ITPR1: variants seen among roughly 807,000 people sequenced by gnomAD.
ITPR1 encodes the protein inositol 1,4,5-trisphosphate receptor type 1.
In ITPR1, 96 loss-of-function variants were observed where a neutral mutation model predicts 318.4. That is an observed-to-expected ratio of 0.30 (90% CI 0.26 to 0.36). ITPR1 has a LOEUF of 0.36. Among genes scored for constraint, ITPR1 ranks in the 10% least tolerant of loss-of-function variants. ITPR1 has a pLI of 1.00. For synonymous variants in ITPR1, 1,312 were observed against 1,289.9 expected (o/e 1.02, Z -0.37); for missense variants, 2,440 against 3,460.2 (o/e 0.71, Z 7.40).
At chr3:4,711,932 CA>C in intron 39 of ITPR1, 64 bp downstream of exon 39, 1 of 711,718 alleles carries the variant, frequency 1.4e-6, no homozygotes, top group Non-Finnish European at 2.2e-6. Flanking sequence ...AGGGACCTTT[CA>C]AAACCCACCT....
chr3:4,504,432 T>A (rs2124885058), intron 2 of ITPR1, among the ~76,000 whole-genome samples: 2 of 152,322 alleles, frequency 1.3e-5, no homozygotes, highest in African/African-American at 4.8e-5. Context: ...TCTGAGTTGG[T>A]GACTTCCTTT....
intron 2 of ITPR1, among the ~76,000 whole-genome samples, chr3:4,506,887 A>G (rs2081431483): frequency 6.6e-6 from 1 of 152,230 alleles, no homozygotes. Flanking sequence ...TCTGGCTCTC[A>G]GGAGCTCTTT....
chr3:4,737,868 G>A (rs529250770), intron 44 of ITPR1, among the ~76,000 whole-genome samples: 1 of 152,320 alleles, frequency 6.6e-6, no homozygotes, highest in South Asian at 2.1e-4. Context: ...GTGGTTACAT[G>A]ACTGTGCACA....
intron 4 of ITPR1, among the ~76,000 whole-genome samples, chr3:4,545,877 T>G (rs917027906): frequency 6.6e-6 from 1 of 151,936 alleles, no homozygotes; most frequent in African/African-American, 2.4e-5. Flanking sequence ...TTTAATTTTT[T>G]GTAGAGACGG....
chr3:4,627,902 G>A (rs766252600), intron 5 of ITPR1, 24 bp downstream of exon 5: 9 of 1,483,574 alleles, frequency 6.1e-6, no homozygotes, highest in East Asian at 2.3e-5. Context: ...TGGGGCTGTC[G>A]ATGGGGCAGT....
intron 52 of ITPR1, among the ~76,000 whole-genome samples, chr3:4,790,935 C>G (rs1037094843): frequency 6.6e-6 from 1 of 152,152 alleles, no homozygotes. Context: ...GATCCTATCC[C>G]CAGTGAAGTG....
At chr3:4,697,559 A>C (rs1574910725) in intron 34 of ITPR1, among the ~76,000 whole-genome samples, 1 of 147,448 alleles carries the variant, frequency 6.8e-6, no homozygotes, top group Non-Finnish European at 1.5e-5. Flanking sequence ...TCAAGCAATT[A>C]TCCTGCCTCA....
chr3:4,755,375 G>T (rs2044884475), intron 44 of ITPR1, among the ~76,000 whole-genome samples: 1 of 150,080 alleles, frequency 6.7e-6, no homozygotes, highest in Non-Finnish European at 1.5e-5. Flanking sequence ...TGTCTCAGAA[G>T]AAAGGTGTTT....
rs115771878 is a variant in ITPR1, at chr3:4,662,006, G to A, written c.1252-76G>A. 2.0e-4 allele frequency: 261 copies of A among 1,305,210 alleles called. 1 individual carries two copies. The African/African-American group carries it at 2.9e-3, about 15-fold the overall frequency. The allele number at this position is 1,305,210 out of a possible 1,614,324, so 80.9% of individuals were successfully genotyped here. On this transcript the variant is annotated intron_variant, in intron 14 of 61. Transcript: ENST00000649015. ...GTATCTTGGGATCAGCCAGTGTCTCGTAAATGTAGTGTTTGATTAAAGTCT... is the reference window on the plus strand; with the variant it reads ...GTATCTTGGGATCAGCCAGTGTCTCATAAATGTAGTGTTTGATTAAAGTCT...
intron 44 of ITPR1, among the ~76,000 whole-genome samples, 156 bp from the exon 45 acceptor site, chr3:4,766,374 C>G (rs1241581358): frequency 6.6e-6 from 1 of 152,214 alleles, no homozygotes; most frequent in Non-Finnish European, 1.5e-5. Flanking sequence ...ACCCAGAGAA[C>G]TACAGTGTGT....
At position 4,718,113 on chromosome 3, in the gene ITPR1, G is replaced by A. The variant is rs60255381; in HGVS notation, c.5136+714G>A. Reference sequence around the variant, plus strand: ...TGGTCATTTTGTTTGGGATCTGGGGGCCTCTTGAATGTTTTCTGTTTTGTG... The same window carrying A: ...TGGTCATTTTGTTTGGGATCTGGGGACCTCTTGAATGTTTTCTGTTTTGTG... On this transcript the variant is annotated intron_variant, in intron 40 of 61. Transcript: ENST00000649015. 2.0e-3 allele frequency among the ~76,000 whole-genome samples: 300 copies of A among 152,274 alleles called. 1 individual carries two copies. The highest frequency in any genetic ancestry group is 6.6e-3 in the African/African-American group (275 of 41,542).
chr3:4,542,394 A>G (rs572052449), intron 4 of ITPR1, among the ~76,000 whole-genome samples: 2 of 152,322 alleles, frequency 1.3e-5, no homozygotes, highest in African/African-American at 4.8e-5. Context: ...TCCTTTTGCC[A>G]GTTGCCAGAG....
chr3:4,720,245 C>T (rs1224564003), intron 40 of ITPR1, among the ~76,000 whole-genome samples: 1 of 152,180 alleles, frequency 6.6e-6, no homozygotes, highest in Non-Finnish European at 1.5e-5. Context: ...GACAATAATA[C>T]AGATTCATGC....
At chr3:4,730,397 G>A (rs924652534) in intron 42 of ITPR1, among the ~76,000 whole-genome samples, 1 of 145,498 alleles carries the variant, frequency 6.9e-6, no homozygotes, top group African/African-American at 2.5e-5. Context: ...GTGTGTGTGT[G>A]TGTGTGTGTG....
At chr3:4,635,538 G>T (rs1258417282) in intron 5 of ITPR1, among the ~76,000 whole-genome samples, 1 of 151,826 alleles carries the variant, frequency 6.6e-6, no homozygotes, top group Non-Finnish European at 1.5e-5. Flanking sequence ...GTAGAGACGG[G>T]GTTTCCCTGT....
chr3:4,798,793 A>T (rs1054557160), intron 53 of ITPR1, among the ~76,000 whole-genome samples: 5 of 152,246 alleles, frequency 3.3e-5, no homozygotes, highest in Non-Finnish European at 5.9e-5. Flanking sequence ...ACCTGGATGC[A>T]TCTTAAAAAC....
chr3:4,520,926 T>G (rs565331896), intron 3 of ITPR1, 98 bp from the exon 4 acceptor site: 14 of 854,846 alleles, frequency 1.6e-5, no homozygotes, highest in Admixed American at 1.6e-4. Context: ...GCAATCTAAA[T>G]GTTGCGCAGG....
At chr3:4,507,689 T>A (rs1269068257) in intron 2 of ITPR1, among the ~76,000 whole-genome samples, 1 of 152,240 alleles carries the variant, frequency 6.6e-6, no homozygotes, top group Non-Finnish European at 1.5e-5. Flanking sequence ...CCTCTCTGTG[T>A]CTGAGAATAG....
Position 4,806,222 on chromosome 3 carries a change from C to T in ITPR1, c.7227C>T (p.Ile2409=). ...TCTATCATTTGTTGTATCTGGTGAT[C>T]TGTGCCATGGGGCTCTTTGTCCATG... The part of the protein sequence containing the change: ...EFLYHLLYLV[I]CAMGLFVHEF... The change falls in exon 55 of 62, where the codon ATC becomes ATT. Residue 2409 remains isoleucine (I), a synonymous_variant. Transcript: ENST00000649015. 6.2e-7 allele frequency: 1 copy of T among 1,614,000 alleles called. No homozygotes were observed.
Sources: allele counts gnomAD v4.1 joint callset (sites outside exome capture counted in the v4.1 genomes callset), GRCh38; gene constraint gnomAD v4.1.1; transcripts MANE v1.5; gene names NCBI Gene and HGNC (gene_info 2026-07-23, HGNC 2026-07-21).